CUL1: variants seen among roughly 807,000 people sequenced by gnomAD.
CUL1 encodes the protein cullin-1.
Under a neutral mutation model 118.0 loss-of-function variants are expected in CUL1, and 24 were observed. That is an observed-to-expected ratio of 0.20 (90% CI 0.15 to 0.29). The LOEUF (loss-of-function observed/expected upper bound fraction) is 0.29. CUL1 is among the 10% of genes least tolerant of loss of function. CUL1 has a pLI of 1.00. For synonymous variants in CUL1, 332 were observed against 340.4 expected (o/e 0.98, Z 0.27); for missense variants, 361 against 933.8 (o/e 0.39, Z 7.99).
At chr7:148,798,727 T>G in intron 20 of CUL1, 50 bp downstream of exon 20, 1 of 1,486,844 alleles carries the variant, frequency 6.7e-7, no homozygotes, top group Non-Finnish European at 9.4e-7. Flanking sequence ...CACGCAGGGA[T>G]GGCTCGCAAG....
At chr7:148,768,314 C>T (rs1417327683) in intron 9 of CUL1, among the ~76,000 whole-genome samples, 1 of 151,584 alleles carries the variant, frequency 6.6e-6, no homozygotes, top group Admixed American at 6.6e-5. Flanking sequence ...AAATGAGTTG[C>T]CTTCAGTTTT....
In CUL1 at chr7:148,759,573, T is replaced by C; in HGVS notation, c.560T>C (p.Ile187Thr). ...KQVTNAVLKL[I>T]EKERNGETIN... The stretch of plus-strand genomic sequence containing the variant: ...GTAACAAATGCTGTTTTAAAGCTGA[T>C]TGAAAAGGAAAGGAATGGTGAAACC... Residue 187 changes from isoleucine to threonine, a missense_variant, in exon 6 of 22, where the codon ATT becomes ACT. Physicochemically the swap from Ile to Thr is moderately conservative, Grantham distance 89. Transcript: ENST00000325222. 6.2e-7 allele frequency: 1 copy of C among 1,611,008 alleles called. No homozygotes were observed. Among genetic ancestry groups the C allele is most frequent in the Non-Finnish European group, 8.5e-7 (1 of 1,177,734 alleles).
intron 2 of CUL1, among the ~76,000 whole-genome samples, chr7:148,744,877 T>C (rs1799259605): frequency 6.6e-6 from 1 of 152,212 alleles, no homozygotes; most frequent in Admixed American, 6.5e-5. Flanking sequence ...AGAACTACAA[T>C]TACTTTTTTT....
At chr7:148,704,870 A>G (rs778051693) in intron 1 of CUL1, among the ~76,000 whole-genome samples, 1 of 151,968 alleles carries the variant, frequency 6.6e-6, no homozygotes, top group African/African-American at 2.4e-5. Flanking sequence ...AGTACAGTGG[A>G]TTAATTTATA....
At chr7:148,784,843 C>T (rs1202036200) in intron 11 of CUL1, among the ~76,000 whole-genome samples, 2 of 152,188 alleles carry the variant, frequency 1.3e-5, no homozygotes, top group South Asian at 2.1e-4. Flanking sequence ...GAAATACCCA[C>T]ATACCAGAAT....
rs150376241 is a variant in CUL1, at chr7:148,717,495, A to G, written c.-161-12467A>G. Among the ~76,000 whole-genome samples, 1,448 of 151,708 alleles carry G rather than the reference A, an allele frequency of 9.5e-3. 11 individuals are homozygous for G. The highest frequency in any genetic ancestry group is 0.016 in the Non-Finnish European group (1,055 of 67,990). Reference sequence around the variant, plus strand: ...CCATCCGGTCTGACCAGTTACCACGATAACTGCTTTGTGTCGCCTGTGTCT... The same window carrying G: ...CCATCCGGTCTGACCAGTTACCACGGTAACTGCTTTGTGTCGCCTGTGTCT... On this transcript the variant is annotated intron_variant, in intron 1 of 21. Transcript: ENST00000325222.
intron 1 of CUL1, among the ~76,000 whole-genome samples, chr7:148,716,732 A>G (rs1161618724): frequency 6.6e-6 from 1 of 152,218 alleles, no homozygotes. Context: ...TTACTTTCTT[A>G]TCAGTATGTG....
At chr7:148,726,852 T>TAAA (rs1554464093) in intron 1 of CUL1, among the ~76,000 whole-genome samples, 6 of 125,978 alleles carry the variant, frequency 4.8e-5, no homozygotes, top group South Asian at 2.7e-4. Context: ...AAAAAAAAAT[T>TAAA]TTTTTTTAAA....
chr7:148,731,020 GC>G (rs1241204112), intron 2 of CUL1, among the ~76,000 whole-genome samples: 6 of 152,054 alleles, frequency 3.9e-5, no homozygotes, highest in Admixed American at 6.6e-5. Context: ...TTGCTATGTT[GC>G]CCGGGCTGTG....
chr7:148,737,830 T>G (rs576242757), intron 2 of CUL1, among the ~76,000 whole-genome samples: 22 of 152,180 alleles, frequency 1.4e-4, no homozygotes, highest in Admixed American at 2.0e-4. Context: ...GCTCCTGACC[T>G]CAAGCAATCT....
chr7:148,745,343 CTG>C (rs143969044), intron 2 of CUL1, among the ~76,000 whole-genome samples: 14 of 152,284 alleles, frequency 9.2e-5, no homozygotes, highest in East Asian at 7.7e-4. Context: ...CAGCTGGTCT[CTG>C]TTGATTGTCT....
Position 148,799,322 on chromosome 7 carries a change from G to A in CUL1, c.2184G>A (p.Gln728=). The change falls in exon 21 of 22, where the codon CAG becomes CAA. Residue 728 remains glutamine (Q), a synonymous_variant. Coordinates refer to ENST00000325222, the MANE Select transcript of CUL1 (RefSeq NM_003592.3). ...AGATGAGGAAGGTTCTGAAACACCA[G>A]CAGTTACTTGGCGAGGTCCTCACTC... is the stretch of plus-strand genomic sequence containing the variant. ...IMKMRKVLKH[Q]QLLGEVLTQL... 6.2e-7 allele frequency: 1 copy of A among 1,614,196 alleles called. No individual in the cohort carries two copies. The highest frequency in any genetic ancestry group is 8.5e-7 in the Non-Finnish European group (1 of 1,180,026).
At chr7:148,763,422 C>G (rs1563162445) in intron 7 of CUL1, among the ~76,000 whole-genome samples, 1 of 152,136 alleles carries the variant, frequency 6.6e-6, no homozygotes, top group African/African-American at 2.4e-5. Context: ...TGGAATTTGA[C>G]CATGTAATTC....
intron 7 of CUL1, among the ~76,000 whole-genome samples, chr7:148,763,152 A>T (rs6967829): frequency 0.03 from 4,573 of 152,136 alleles, 214 homozygotes; most frequent in African/African-American, 0.1. Context: ...GTCTCAAAAA[A>T]AAAAATAAAA....
At position 148,783,980 on chromosome 7, in the gene CUL1, C is replaced by G; in HGVS notation, c.1201C>G (p.Arg401Gly). 1.2e-6 allele frequency: 2 copies of G among 1,614,008 alleles called. No homozygotes were observed. Among genetic ancestry groups the G allele is most frequent in the Non-Finnish European group, 1.7e-6 (2 of 1,179,990 alleles). ...ATTCCGTGTAACGCAGGCTTGTGGT[C>G]GCTTCATAAACAACAACGCGGTTAC... is the stretch of plus-strand genomic sequence containing the variant. ...FVAALDKACG[R>G]FINNNAVTKM... The change falls in exon 11 of 22, where the codon CGC becomes GGC. Residue 401 changes from arginine (R) to glycine (G), a missense_variant. By Grantham distance (125) the Arg-to-Gly change is moderately radical. Coordinates refer to ENST00000325222, the MANE Select transcript of CUL1 (RefSeq NM_003592.3).
intron 1 of CUL1, among the ~76,000 whole-genome samples, chr7:148,728,709 C>A (rs1798662492): frequency 6.6e-6 from 1 of 152,168 alleles, no homozygotes; most frequent in Non-Finnish European, 1.5e-5. Flanking sequence ...GTTGTAGATT[C>A]ATAAAATATT....
At position 148,777,171 on chromosome 7, in the gene CUL1, G is replaced by A. The variant is rs3823636; in HGVS notation, c.1084-6612G>A. 2.3e-3 allele frequency among the ~76,000 whole-genome samples: 346 copies of A among 152,248 alleles called. 12 individuals carry two copies. The East Asian group carries it at 0.062, about 27-fold the overall frequency. On this transcript the variant is annotated intron_variant, in intron 9 of 21. Transcript: ENST00000325222. Reference sequence around the variant, plus strand: ...GGAACAACCAGGGGGCGTAACCAAGGCCGGAATCAAAATGAAACCCACACA... The same window carrying A: ...GGAACAACCAGGGGGCGTAACCAAGACCGGAATCAAAATGAAACCCACACA...
At chr7:148,734,844 T>G (rs1413628999) in intron 2 of CUL1, among the ~76,000 whole-genome samples, 1 of 152,190 alleles carries the variant, frequency 6.6e-6, no homozygotes, top group Non-Finnish European at 1.5e-5. Flanking sequence ...GTGTCTTGTT[T>G]CCAGGTCAGG....
intron 2 of CUL1, among the ~76,000 whole-genome samples, chr7:148,738,200 A>G (rs1799022621): frequency 6.6e-6 from 1 of 152,176 alleles, no homozygotes; most frequent in Non-Finnish European, 1.5e-5. Context: ...TGGCTCCGTC[A>G]TCCTGCTGCT....
Sources: allele counts gnomAD v4.1 joint callset (sites outside exome capture counted in the v4.1 genomes callset), GRCh38; gene constraint gnomAD v4.1.1; transcripts MANE v1.5; gene names NCBI Gene and HGNC (gene_info 2026-07-23, HGNC 2026-07-21).